CTNNA2: variants seen among roughly 807,000 people sequenced by gnomAD.
The protein encoded by CTNNA2 is catenin alpha 2.
In CTNNA2, 42 loss-of-function variants were observed where a neutral mutation model predicts 101.0. The ratio of observed to expected loss-of-function variants is 0.42; its 90% CI spans 0.32 to 0.54. The LOEUF is 0.54. CTNNA2 is among the 20% of genes least tolerant of loss of function. The probability of loss-of-function intolerance (pLI) is 0.14; values close to 1 mark genes in which losing one functional copy is unlikely to be tolerated. For synonymous variants in CTNNA2, 450 were observed against 456.4 expected (o/e 0.99, Z 0.18); for missense variants, 871 against 1,223.1 (o/e 0.71, Z 4.29).
At chr2:79,241,428 T>C (rs756833080) in intron 2 of CTNNA2, among the ~76,000 whole-genome samples, 9 of 152,132 alleles carry the variant, frequency 5.9e-5, no homozygotes, top group Non-Finnish European at 8.8e-5. Context: ...GCTGTCAAAT[T>C]GGAGTGAATT....
intron 4 of CTNNA2, chr2:79,504,923 T>C (rs2103810343): frequency 6.6e-6 from 1 of 152,334 alleles, no homozygotes; most frequent in African/African-American, 2.4e-5. Flanking sequence ...AATCTGGATA[T>C]TAAATTTTCT....
At chr2:80,304,861 T>G (rs1321322561) in intron 7 of CTNNA2, 1 of 164,082 alleles carries the variant, frequency 6.1e-6, no homozygotes, top group Non-Finnish European at 1.2e-5. Flanking sequence ...GTAATATATG[T>G]TTTTTGATGA....
chr2:79,481,092 T>C (rs923656847), intron 4 of CTNNA2, among the ~76,000 whole-genome samples: 1 of 152,146 alleles, frequency 6.6e-6, no homozygotes, highest in East Asian at 1.9e-4. Flanking sequence ...TAATTTTTCA[T>C]ATAAATAAAA....
intron 6 of CTNNA2, among the ~76,000 whole-genome samples, chr2:79,882,186 G>A (rs992601798): frequency 7.2e-5 from 11 of 151,792 alleles, no homozygotes; most frequent in Middle Eastern, 3.4e-3. Flanking sequence ...CTGTTAGTCT[G>A]ATGGACTTCC....
chr2:79,352,786 T>A (rs1677420233), intron 3 of CTNNA2, among the ~76,000 whole-genome samples: 2 of 152,192 alleles, frequency 1.3e-5, no homozygotes, highest in South Asian at 4.1e-4. Context: ...CACACAGCTA[T>A]AAAGACATAT....
chr2:79,968,367 G>GA (rs1221354109), intron 7 of CTNNA2, among the ~76,000 whole-genome samples: 1 of 152,152 alleles, frequency 6.6e-6, no homozygotes, highest in Non-Finnish European at 1.5e-5. Context: ...CATGAGAACA[G>GA]AAAATTGTTT....
intron 9 of CTNNA2, among the ~76,000 whole-genome samples, chr2:80,533,317 G>A (rs1054285470): frequency 6.6e-5 from 10 of 152,230 alleles, no homozygotes; most frequent in East Asian, 3.9e-4. Flanking sequence ...TTTAATTGGC[G>A]GAGGCATCCC....
intron 3 of CTNNA2, among the ~76,000 whole-genome samples, chr2:79,327,232 C>T (rs79709849): frequency 0.051 from 7,768 of 152,190 alleles, 266 homozygotes; most frequent in Non-Finnish European, 0.077. Flanking sequence ...TAAAAAGTAA[C>T]GCTGGTGCCA....
intron 3 of CTNNA2, among the ~76,000 whole-genome samples, chr2:79,372,040 T>C (rs1677883274): frequency 6.6e-6 from 1 of 152,134 alleles, no homozygotes; most frequent in African/African-American, 2.4e-5. Flanking sequence ...TTGAATCCCA[T>C]GGGAAGCTTT....
intron 1 of CTNNA2, among the ~76,000 whole-genome samples, chr2:79,533,660 G>T (rs1558705849): frequency 6.6e-6 from 1 of 152,126 alleles, no homozygotes; most frequent in Non-Finnish European, 1.5e-5. Flanking sequence ...TGGATTCAGA[G>T]ATCTAGAGGA....
At chr2:79,705,070 C>T (rs1685265481) in intron 2 of CTNNA2, among the ~76,000 whole-genome samples, 4 of 152,122 alleles carry the variant, frequency 2.6e-5, no homozygotes, top group Admixed American at 2.6e-4. Flanking sequence ...GTGCTACAGG[C>T]ATCTAGTGGG....
intron 15 of CTNNA2, among the ~76,000 whole-genome samples, chr2:80,596,489 T>C (rs1696994747): frequency 6.6e-6 from 1 of 150,940 alleles, no homozygotes; most frequent in Non-Finnish European, 1.5e-5. Context: ...TTTTTGTGTG[T>C]TTTTAGTAGA....
chr2:79,420,959 T>C (rs566864049), intron 4 of CTNNA2, among the ~76,000 whole-genome samples: 1 of 152,270 alleles, frequency 6.6e-6, no homozygotes, highest in South Asian at 2.1e-4. Context: ...TAGCATTTTA[T>C]TTTACATAAA....
rs1004090041 is a variant in CTNNA2, at chr2:80,302,044, G to T, written c.1057-91167G>T. ...GATAGACTGTCCTGAAGGTTGTGGG[G>T]TGGGGTTTTTTGTTGTGTTTTAATT... is the stretch of plus-strand genomic sequence containing the variant. On this transcript the variant is annotated intron_variant, in intron 7 of 18. Transcript: ENST00000402739. This position sits in a 1 kb window ranked among gnomAD's most constrained non-coding sequence, Gnocchi z 6.4. The T allele has an allele frequency of 1.7e-6, 1 of 601,114 alleles. No individual in the cohort carries two copies. The highest frequency in any genetic ancestry group is 3.3e-5 in the Admixed American group (1 of 30,316). 37.2% of individuals were successfully genotyped at this position (601,114 alleles called of 1,614,324 possible). A position where few individuals can be genotyped will look rare whatever the true frequency, so the allele number is the denominator to read the frequency against.
At chr2:80,613,029 G>C (rs754237539) in intron 17 of CTNNA2, 4 of 150,882 alleles carry the variant, frequency 2.7e-5, no homozygotes, top group Non-Finnish European at 4.4e-5. Flanking sequence ...ACTTCAGATT[G>C]TAAATCTGGA....
chr2:79,384,878 A>G (rs891747819), intron 4 of CTNNA2, among the ~76,000 whole-genome samples: 1 of 152,212 alleles, frequency 6.6e-6, no homozygotes, highest in African/African-American at 2.4e-5. Context: ...TTGGTTCGAT[A>G]TCACATAAAA....
At chr2:79,879,018 C>T (rs1205309965) in intron 6 of CTNNA2, among the ~76,000 whole-genome samples, 1 of 152,116 alleles carries the variant, frequency 6.6e-6, no homozygotes, top group Admixed American at 6.6e-5. Flanking sequence ...GGAAGGGGTC[C>T]AGTTTTAGTT....
chr2:79,323,835 C>T (rs943653746), intron 3 of CTNNA2, among the ~76,000 whole-genome samples: 1 of 152,082 alleles, frequency 6.6e-6, no homozygotes, highest in African/African-American at 2.4e-5. Flanking sequence ...GTTTTGTTTT[C>T]TTTTCTTCTT....
chr2:79,495,219 G>A (rs1198978704), intron 4 of CTNNA2, among the ~76,000 whole-genome samples: 2 of 152,152 alleles, frequency 1.3e-5, no homozygotes, highest in Non-Finnish European at 2.9e-5. Flanking sequence ...TACAAATTTT[G>A]TATCTGATAC....
Sources: allele counts gnomAD v4.1 joint callset (sites outside exome capture counted in the v4.1 genomes callset), GRCh38; gene constraint gnomAD v4.1.1; non-coding constraint Gnocchi (gnomAD v3.1); transcripts MANE v1.5; gene names NCBI Gene and HGNC (gene_info 2026-07-23, HGNC 2026-07-21).